Variants in NAALADL2 observed in about 807,000 individuals in gnomAD.
NAALADL2 encodes the protein N-acetylated alpha-linked acidic dipeptidase like 2.
Under a neutral mutation model 87.2 loss-of-function variants are expected in NAALADL2, and 76 were observed. The observed-to-expected ratio is 0.87, with a 90% CI of 0.72 to 1.05. The LOEUF is 1.05. NAALADL2 is among the 50% of genes least tolerant of loss of function. The pLI is 0.00. For missense variants in NAALADL2, 1,089 were observed against 945.8 expected (o/e 1.15, Z -1.99); for synonymous variants, 354 against 331.0 (o/e 1.07, Z -0.75).
At chr3:175,610,278 G>A (rs889803636) in intron 10 of NAALADL2, among the ~76,000 whole-genome samples, 1 of 151,944 alleles carries the variant, frequency 6.6e-6, no homozygotes, top group Non-Finnish European at 1.5e-5. Flanking sequence ...ATAGCTAATG[G>A]CATTTATCTA....
At chr3:175,079,480 A>T (rs1717311282) in intron 1 of NAALADL2, 1 of 152,160 alleles carries the variant, frequency 6.6e-6, no homozygotes, top group Non-Finnish European at 1.5e-5. Flanking sequence ...TTCTGCAATA[A>T]AGTTTTAAGA....
chr3:175,756,606 A>G lies in NAALADL2; in HGVS notation c.2189+1188A>G, dbSNP rs572127985. 2.0e-5 allele frequency among the ~76,000 whole-genome samples: 3 copies of G among 152,250 alleles called. No individual in the cohort carries two copies. In the East Asian group the frequency reaches 5.8e-4, roughly 29 times the overall value. On this transcript the variant is annotated intron_variant, in intron 13 of 13. Coordinates refer to ENST00000454872, the MANE Select transcript of NAALADL2 (RefSeq NM_207015.3). The stretch of plus-strand genomic sequence containing the variant: ...CAAATACCGCATGTGCTCACATATA[A>G]GTTGGAGATAATAATAGATACACAT...
At chr3:174,886,395 T>C (rs898190839) in intron 1 of NAALADL2, among the ~76,000 whole-genome samples, 2 of 152,056 alleles carry the variant, frequency 1.3e-5, no homozygotes, top group Admixed American at 6.5e-5. Context: ...TAAGGGTGGG[T>C]CTGCCTTTCC....
At chr3:174,835,761 A>T (rs114174384) in intron 3 of NAALADL2, among the ~76,000 whole-genome samples, 2,432 of 152,314 alleles carry the variant, frequency 0.016, 66 homozygotes, top group African/African-American at 0.056. Context: ...GATACTCAAC[A>T]TCCCTAATAA....
intron 13 of NAALADL2, among the ~76,000 whole-genome samples, chr3:175,796,519 A>G (rs887875466): frequency 2.0e-5 from 3 of 152,222 alleles, no homozygotes; most frequent in African/African-American, 7.2e-5. Flanking sequence ...GTGTAGTATA[A>G]ATAGTGTAGC....
At chr3:174,490,006 C>T (rs988397766) in intron 1 of NAALADL2, among the ~76,000 whole-genome samples, 6 of 151,932 alleles carry the variant, frequency 3.9e-5, no homozygotes, top group Non-Finnish European at 1.5e-5. Flanking sequence ...TTTCTCAAAT[C>T]GTTAAAAAGA....
chr3:175,462,158 G>A (rs1723240407), intron 6 of NAALADL2, among the ~76,000 whole-genome samples: 1 of 152,176 alleles, frequency 6.6e-6, no homozygotes, highest in Admixed American at 6.5e-5. Flanking sequence ...AATGCAAGAT[G>A]TTAATAATAG....
intron 9 of NAALADL2, among the ~76,000 whole-genome samples, chr3:175,497,780 G>A (rs1729013035): frequency 6.6e-6 from 1 of 152,098 alleles, no homozygotes; most frequent in African/African-American, 2.4e-5. Flanking sequence ...CAGTATATAA[G>A]TGTTGTAATA....
intron 9 of NAALADL2, among the ~76,000 whole-genome samples, chr3:175,528,779 C>T (rs1021629033): frequency 2.0e-5 from 3 of 152,122 alleles, no homozygotes; most frequent in Non-Finnish European, 4.4e-5. Context: ...AATCTTATGT[C>T]ACATGATAAA....
At position 174,498,131 on chromosome 3, in the gene NAALADL2, T is replaced by C. The variant is rs147363725; in HGVS notation, c.-183-52438T>C. 2.4e-3 allele frequency among the ~76,000 whole-genome samples: 359 copies of C among 152,280 alleles called. 3 individuals are homozygous for C. Among genetic ancestry groups the C allele is most frequent in the African/African-American group, 8.3e-3 (346 of 41,578 alleles). On this transcript the variant is annotated intron_variant, in intron 1 of 3. Transcript: ENST00000434257. ...TATATGTGTGATATTATCACCACAA[T>C]CAATATAGTAAACATGTACCTCATC... is the stretch of plus-strand genomic sequence containing the variant.
At chr3:175,353,795 C>A (rs1764047137) in intron 5 of NAALADL2, among the ~76,000 whole-genome samples, 1 of 152,148 alleles carries the variant, frequency 6.6e-6, no homozygotes, top group Non-Finnish European at 1.5e-5. Context: ...TATTTTGTCA[C>A]ACTGTTTAGT....
chr3:174,543,652 A>G (rs1238937362), intron 1 of NAALADL2, among the ~76,000 whole-genome samples: 1 of 152,104 alleles, frequency 6.6e-6, no homozygotes, highest in Admixed American at 6.6e-5. Context: ...GTATTTTACT[A>G]AAGTAAAATG....
At chr3:175,168,813 T>A (rs1734364171) in intron 2 of NAALADL2, among the ~76,000 whole-genome samples, 1 of 151,854 alleles carries the variant, frequency 6.6e-6, no homozygotes, top group South Asian at 2.1e-4. Context: ...TGTTACTTAT[T>A]GAATTATTAA....
intron 5 of NAALADL2, among the ~76,000 whole-genome samples, chr3:175,371,032 G>A (rs1316041855): frequency 2.0e-5 from 3 of 152,200 alleles, no homozygotes; most frequent in Admixed American, 6.5e-5. Flanking sequence ...CATGTCTGCC[G>A]TTATAGGATG....
At chr3:174,605,312 C>T (rs36177970) in intron 2 of NAALADL2, among the ~76,000 whole-genome samples, 7 of 152,116 alleles carry the variant, frequency 4.6e-5, no homozygotes, top group African/African-American at 7.2e-5. Flanking sequence ...AGACAGTGGG[C>T]GCGCAGGACA....
chr3:175,275,013 C>T (rs545331157), intron 4 of NAALADL2, among the ~76,000 whole-genome samples: 3 of 152,126 alleles, frequency 2.0e-5, no homozygotes, highest in Non-Finnish European at 4.4e-5. Context: ...CTATTTCTGA[C>T]TCATTATTTC....
At chr3:174,878,021 T>C (rs915682681) in intron 1 of NAALADL2, among the ~76,000 whole-genome samples, 7 of 152,088 alleles carry the variant, frequency 4.6e-5, no homozygotes, top group Admixed American at 6.6e-5. Context: ...TCTATGTATA[T>C]ATTTGGCAGA....
intron 4 of NAALADL2, among the ~76,000 whole-genome samples, chr3:175,263,437 A>C (rs1751419661): frequency 6.6e-6 from 1 of 151,914 alleles, no homozygotes; most frequent in Non-Finnish European, 1.5e-5. Flanking sequence ...ACGAATCTTC[A>C]AAGTCTGTCA....
intron 5 of NAALADL2, among the ~76,000 whole-genome samples, chr3:175,416,571 T>G (rs969777147): frequency 1.3e-5 from 2 of 152,154 alleles, no homozygotes; most frequent in Non-Finnish European, 2.9e-5. Flanking sequence ...AGATCACTGA[T>G]GTTAAGTAGA....
Sources: allele counts gnomAD v4.1 joint callset (sites outside exome capture counted in the v4.1 genomes callset), GRCh38; gene constraint gnomAD v4.1.1; transcripts MANE v1.5; gene names NCBI Gene and HGNC (gene_info 2026-07-23, HGNC 2026-07-21).